Variants in PCDHGB5 observed in about 807,000 individuals in gnomAD.
PCDHGB5 encodes the protein protocadherin gamma-B5.
Under a neutral mutation model 62.9 loss-of-function variants are expected in PCDHGB5, and 48 were observed. That is an observed-to-expected ratio of 0.76 (90% confidence interval 0.61 to 0.97). PCDHGB5 has a LOEUF of 0.97. Ranked by LOEUF, PCDHGB5 falls within the 50% of genes least tolerant of loss-of-function variation. The pLI, the probability that PCDHGB5 is intolerant of heterozygous loss-of-function variation, is 0.00. For synonymous variants in PCDHGB5, 474 were observed against 511.2 expected (o/e 0.93, Z 0.98); for missense variants, 1,118 against 1,198.6 (o/e 0.93, Z 0.99).
Position 141,489,322 on chromosome 5 carries a change from T to C in PCDHGB5, c.2398-5485T>C. The C allele has an allele frequency of 6.2e-7, 1 of 1,601,052 alleles. No individual in the cohort carries two copies. Among genetic ancestry groups the C allele is most frequent in the Non-Finnish European group, 8.5e-7 (1 of 1,172,658 alleles). ...GTCCTTGTGCTGCTGGGGCTGGGTGTCTGGGCAGCTTCGTTACTCAGTGGT... is the reference window on the plus strand; with the variant it reads ...GTCCTTGTGCTGCTGGGGCTGGGTGCCTGGGCAGCTTCGTTACTCAGTGGT... On this transcript the variant is annotated intron_variant, in intron 1 of 3. Coordinates refer to ENST00000617380, the MANE Select transcript of PCDHGB5 (RefSeq NM_018925.3). The surrounding 1 kb of genome is among the most constrained non-coding windows in gnomAD (Gnocchi z 4.5).
chr5:141,425,695 T>C (rs1329762653), intron 1 of PCDHGB5, among the ~76,000 whole-genome samples: 1 of 152,232 alleles, frequency 6.6e-6, no homozygotes, highest in Non-Finnish European at 1.5e-5. Context: ...TATCATTTCA[T>C]AGTGGTCAAA....
intron 1 of PCDHGB5, among the ~76,000 whole-genome samples, chr5:141,460,173 A>C (rs2098983888): frequency 6.6e-6 from 1 of 152,004 alleles, no homozygotes; most frequent in Admixed American, 6.6e-5. Flanking sequence ...TATTTTGTGG[A>C]TATTTTATCC....
rs564439931 is a variant in PCDHGB5 at position 141,490,480 on chromosome 5, C to T, written c.2398-4327C>T. On this transcript the variant is annotated intron_variant, in intron 1 of 3. Coordinates refer to ENST00000617380, the MANE Select transcript of PCDHGB5 (RefSeq NM_018925.3). The surrounding 1 kb of genome is among the most constrained non-coding windows in gnomAD (Gnocchi z 5.4). ...GCTGCTAACCAGCCAGCCTTTGGAC[C>T]GGGAGGCCACATCCCACTATATCAT... The T allele has an allele frequency of 3.5e-5, 56 of 1,614,194 alleles. No individual in the cohort carries two copies. Among genetic ancestry groups the T allele is most frequent in the Admixed American group, 1.5e-4 (9 of 60,022 alleles).
intron 1 of PCDHGB5, chr5:141,423,436 C>A (rs2096740667): frequency 6.2e-7 from 1 of 1,613,782 alleles, no homozygotes; most frequent in Non-Finnish European, 8.5e-7. Context: ...GGCAGGTATG[C>A]CCACGTCACA....
intron 1 of PCDHGB5, among the ~76,000 whole-genome samples, chr5:141,444,408 T>G (rs1591815532): frequency 6.6e-6 from 1 of 152,124 alleles, no homozygotes; most frequent in East Asian, 1.9e-4. Context: ...CAACCTCAGG[T>G]GATCTTCCCT....
intron 1 of PCDHGB5, chr5:141,404,365 C>G (rs1322773399): frequency 1.2e-6 from 2 of 1,613,818 alleles, no homozygotes; most frequent in Admixed American, 3.3e-5. Context: ...GTACTTCCAT[C>G]TTCTCCGTGA....
At chr5:141,420,537 T>C (rs1246315357) in intron 1 of PCDHGB5, 2 of 317,450 alleles carry the variant, frequency 6.3e-6, no homozygotes, top group Non-Finnish European at 1.1e-5. Context: ...GTTAAAAATA[T>C]AAAATACAGG....
At chr5:141,413,740 C>A in intron 1 of PCDHGB5, 2 of 1,613,402 alleles carry the variant, frequency 1.2e-6, no homozygotes, top group Non-Finnish European at 1.7e-6. Flanking sequence ...AGTTCAGAGC[C>A]GTGCCAATGG....
chr5:141,400,018 A>G lies in PCDHGB5; in HGVS notation c.1891A>G (p.Arg631Gly). Residue 631 changes from arginine to glycine, a missense_variant, in exon 1 of 4, where the codon AGG becomes GGG. By Grantham distance (125) the Arg-to-Gly change is moderately radical. Coordinates refer to ENST00000617380, the MANE Select transcript of PCDHGB5 (RefSeq NM_018925.3). The part of the protein sequence containing the change: ...EVRTARALGD[R>G]DAARQRLLVA... The stretch of plus-strand genomic sequence containing the variant: ...GCGCACAGCGCGTGCCTTGGGCGAC[A>G]GGGACGCGGCCCGCCAGCGCCTGCT... 2 of 1,612,648 alleles carry G rather than the reference A, an allele frequency of 1.2e-6. No homozygotes were observed. Among genetic ancestry groups the G allele is most frequent in the African/African-American group, 1.3e-5 (1 of 75,050 alleles).
intron 1 of PCDHGB5, among the ~76,000 whole-genome samples, chr5:141,429,387 T>TA (rs11410533): frequency 0.01 from 1,566 of 151,436 alleles, 8 homozygotes; most frequent in Middle Eastern, 0.031. Flanking sequence ...GTTTTTTTTT[T>TA]AAAAAAAATT....
rs1218837884 is a variant in PCDHGB5 at position 141,403,668 on chromosome 5, C to A, written c.2397+3144C>A. On this transcript the variant is annotated intron_variant, in intron 1 of 3. Coordinates refer to ENST00000617380, the MANE Select transcript of PCDHGB5 (RefSeq NM_018925.3). ...ACAGTGTTGGATACAAATGATAATG[C>A]CCCGGTTTTTGCTCAACGGATTTAC... 1.9e-6 allele frequency: 3 copies of A among 1,613,772 alleles called. No individual in the cohort carries two copies. In the African/African-American group the frequency reaches 4.0e-5, roughly 22 times the overall value.
rs1377364370 is a variant in PCDHGB5, at chr5:141,477,489, C to T, written c.2398-17318C>T. 1 of 1,614,048 alleles carries T rather than the reference C, an allele frequency of 6.2e-7. No homozygotes were observed. Among genetic ancestry groups the T allele is most frequent in the Non-Finnish European group, 8.5e-7 (1 of 1,180,044 alleles). On this transcript the variant is annotated intron_variant, in intron 1 of 3. Coordinates refer to ENST00000617380, the MANE Select transcript of PCDHGB5 (RefSeq NM_018925.3). This position sits in a 1 kb window ranked among gnomAD's most constrained non-coding sequence, Gnocchi z 4.9. ...ATCAATGACAACCCTCCACAATCTT[C>T]TCAATCTTCCTACGACGTTTACATT...
At chr5:141,450,599 G>T (rs569531886) in intron 1 of PCDHGB5, among the ~76,000 whole-genome samples, 11 of 150,286 alleles carry the variant, frequency 7.3e-5, no homozygotes, top group African/African-American at 2.7e-4. Flanking sequence ...CAATTCTCCT[G>T]CCTCAGCCTC....
chr5:141,460,961 ATGTGTGTG>A (rs35821115), intron 1 of PCDHGB5, among the ~76,000 whole-genome samples: 11 of 144,552 alleles, frequency 7.6e-5, no homozygotes, highest in South Asian at 2.2e-4. Context: ...GTATATATAT[ATGTGTGTG>A]TGTGTGTGTG....
chr5:141,468,939 G>A (rs2099186103), intron 1 of PCDHGB5, among the ~76,000 whole-genome samples: 1 of 144,350 alleles, frequency 6.9e-6, no homozygotes, highest in Non-Finnish European at 1.5e-5. Context: ...ATGGGAGATG[G>A]GGTAAACCTG....
chr5:141,409,700 G>GCGGTGT (rs1561722150), intron 1 of PCDHGB5: 2 of 1,613,280 alleles, frequency 1.2e-6, no homozygotes, highest in Admixed American at 3.3e-5. Flanking sequence ...AGAGCCCCTG[G>GCGGTGT]CGGTGTCGTC....
At chr5:141,415,884 A>C in intron 1 of PCDHGB5, 1 of 981,534 alleles carries the variant, frequency 1.0e-6, no homozygotes, top group Non-Finnish European at 1.4e-6. Context: ...TACAATATTG[A>C]CAATTCCTAA....
rs760575047 is a variant in PCDHGB5 at position 141,493,887 on chromosome 5, G to A, written c.2398-920G>A. Among the ~76,000 whole-genome samples the A allele has an allele frequency of 1.3e-5, 2 of 152,184 alleles. No individual in the cohort carries two copies. The highest frequency in any genetic ancestry group is 2.4e-5 in the African/African-American group (1 of 41,448). On this transcript the variant is annotated intron_variant, in intron 1 of 3. Coordinates refer to ENST00000617380, the MANE Select transcript of PCDHGB5 (RefSeq NM_018925.3). The surrounding 1 kb of genome is among the most constrained non-coding windows in gnomAD (Gnocchi z 4.3). Reference sequence around the variant, plus strand: ...AGAACCAGTGAGGAGGTGGCTCTAGGAGTGCTCCATGAGAGTGTGTGATGG... The same window carrying A: ...AGAACCAGTGAGGAGGTGGCTCTAGAAGTGCTCCATGAGAGTGTGTGATGG...
Position 141,408,587 on chromosome 5 carries a change from C to A in PCDHGB5, c.2397+8063C>A, listed in dbSNP as rs768912219. 3 of 1,613,898 alleles carry A rather than the reference C, an allele frequency of 1.9e-6. No homozygotes were observed. The South Asian group carries it at 3.3e-5, about 18-fold the overall frequency. ...TGTGGTGATTGAGGATGTTAATGACCACGCCCCTCAATTTGATAAAAAGGA... is the reference window on the plus strand; with the variant it reads ...TGTGGTGATTGAGGATGTTAATGACAACGCCCCTCAATTTGATAAAAAGGA... On this transcript the variant is annotated intron_variant, in intron 1 of 3. Transcript: ENST00000617380.
Sources: gnomAD v4.1 joint callset for allele counts (sites outside exome capture counted in the v4.1 genomes callset) on GRCh38, gnomAD v4.1.1 for gene constraint, Gnocchi (gnomAD v3.1) non-coding constraint, MANE v1.5 for transcripts, NCBI Gene and HGNC (gene_info 2026-07-23, HGNC 2026-07-21) for gene names.